The following ADARB2 variants were observed in gnomAD, a reference collection of about 807,000 sequenced individuals.
The protein encoded by ADARB2 is adenosine deaminase RNA specific B2 (inactive), also known as inactive double-stranded RNA-specific editase B2.
Under a neutral mutation model 62.2 loss-of-function variants are expected in ADARB2, and 25 were observed. The ratio of observed to expected loss-of-function variants is 0.40; its 90% CI spans 0.29 to 0.56. The LOEUF (loss-of-function observed/expected upper bound fraction) is 0.56. Among genes scored for constraint, ADARB2 ranks in the 20% least tolerant of loss-of-function variants. The pLI is 0.43. For missense variants in ADARB2, 1,071 were observed against 1,077.4 expected, an observed-to-expected ratio of 0.99 and a Z score of 0.08; for synonymous variants, 572 against 500.8, an observed-to-expected ratio of 1.14 and a Z score of -1.90.
intron 1 of ADARB2, among the ~76,000 whole-genome samples, chr10:1,587,887 T>C (rs569463274): frequency 6.6e-6 from 1 of 152,280 alleles, no homozygotes; most frequent in Admixed American, 6.5e-5. Flanking sequence ...GCTCTCATTC[T>C]CTCTTGACTG....
chr10:1,492,950 G>A (rs569514050), intron 1 of ADARB2, among the ~76,000 whole-genome samples: 3 of 152,276 alleles, frequency 2.0e-5, no homozygotes, highest in Admixed American at 1.3e-4. Context: ...TAATCCCCAC[G>A]CACTTGCCGA....
intron 1 of ADARB2, among the ~76,000 whole-genome samples, chr10:1,517,906 C>T (rs1832025866): frequency 6.6e-6 from 1 of 152,190 alleles, no homozygotes; most frequent in African/African-American, 2.4e-5. Context: ...CCCCGCAGCT[C>T]AGCCCCAAAG....
rs559252474 is a variant in ADARB2, at chr10:1,222,744, C to T, written c.1514-5625G>A. Among the ~76,000 whole-genome samples the T allele has an allele frequency of 1.0e-3, 149 of 149,442 alleles. 2 individuals are homozygous for T. The East Asian group carries it at 0.026, about 26-fold the overall frequency. On this transcript the variant is annotated intron_variant, in intron 6 of 9. Transcript: ENST00000381312. The stretch of plus-strand genomic sequence containing the variant: ...TGGTTGTAGATATGCGGCATTATTT[C>T]TGAGGGCTCTGTTCTGTTCCATTGG...
At chr10:1,495,318 G>T (rs1052561088) in intron 1 of ADARB2, among the ~76,000 whole-genome samples, 1 of 152,196 alleles carries the variant, frequency 6.6e-6, no homozygotes, top group African/African-American at 2.4e-5. Flanking sequence ...TACATGCAAG[G>T]TATATCAAGT....
At chr10:1,720,728 T>C (rs1017751386) in intron 1 of ADARB2, among the ~76,000 whole-genome samples, 1 of 152,184 alleles carries the variant, frequency 6.6e-6, no homozygotes, top group African/African-American at 2.4e-5. Flanking sequence ...TCTGGGCCCC[T>C]GGACACGTGG....
At chr10:1,595,646 T>G (rs1035796394) in intron 1 of ADARB2, among the ~76,000 whole-genome samples, 2 of 152,228 alleles carry the variant, frequency 1.3e-5, no homozygotes, top group African/African-American at 4.8e-5. Flanking sequence ...ATGCAGGCAC[T>G]GCTTGTTCTG....
At chr10:1,725,688 C>T (rs570069996) in intron 1 of ADARB2, among the ~76,000 whole-genome samples, 1 of 152,334 alleles carries the variant, frequency 6.6e-6, no homozygotes, top group South Asian at 2.1e-4. Context: ...GCCACGCTGC[C>T]GCACTCGTAT....
chr10:1,451,030 AAC>A (rs1831029470), intron 1 of ADARB2, among the ~76,000 whole-genome samples: 1 of 152,218 alleles, frequency 6.6e-6, no homozygotes, highest in Non-Finnish European at 1.5e-5. Context: ...GCAAGCCAGA[AAC>A]ACAGAGAGAT....
intron 1 of ADARB2, among the ~76,000 whole-genome samples, chr10:1,470,585 T>C (rs535347611): frequency 1.3e-5 from 2 of 152,378 alleles, no homozygotes; most frequent in South Asian, 4.1e-4. Context: ...CAGAACTTAC[T>C]GTAAATGCAT....
At chr10:1,230,072 G>T (rs1830789627) in intron 6 of ADARB2, among the ~76,000 whole-genome samples, 1 of 152,024 alleles carries the variant, frequency 6.6e-6, no homozygotes, top group African/African-American at 2.4e-5. Context: ...GAGAGCACTC[G>T]AGAAGACTGA....
At chr10:1,271,578 T>TGCAACAC (rs1317145577) in intron 3 of ADARB2, among the ~76,000 whole-genome samples, 3 of 152,158 alleles carry the variant, frequency 2.0e-5, no homozygotes, top group Non-Finnish European at 2.9e-5. Context: ...CACATTCACA[T>TGCAACAC]GCAACACACA....
In ADARB2 at chr10:1,263,276, TATA is replaced by T. The variant is rs780158474; in HGVS notation, c.1192+7676_1192+7678del. The stretch of plus-strand genomic sequence containing the variant: ...TGCACATGTACCCTAAAACTTAAAG[TATA>T]ATAATAGTAATAATAAAGAATATTT... On this transcript the variant is annotated intron_variant, in intron 4 of 9. Coordinates refer to ENST00000381312, the MANE Select transcript of ADARB2 (RefSeq NM_018702.4). Among the ~76,000 whole-genome samples, 54 of 152,312 alleles carry T rather than the reference TATA, an allele frequency of 3.5e-4. 1 individual carries two copies. Among genetic ancestry groups the T allele is most frequent in the East Asian group, 3.5e-3 (18 of 5,192 alleles).
intron 1 of ADARB2, among the ~76,000 whole-genome samples, chr10:1,626,759 A>AAAC: frequency 6.6e-6 from 1 of 152,158 alleles, no homozygotes; most frequent in Non-Finnish European, 1.5e-5. Flanking sequence ...GCCACGCACA[A>AAAC]AGCAACCCGC....
At chr10:1,338,348 T>C (rs1413982209) in intron 3 of ADARB2, among the ~76,000 whole-genome samples, 1 of 152,262 alleles carries the variant, frequency 6.6e-6, no homozygotes, top group Non-Finnish European at 1.5e-5. Context: ...TCACTGAGTC[T>C]GGTCCATAAT....
At chr10:1,246,924 A>C (rs1477907847) in intron 4 of ADARB2, among the ~76,000 whole-genome samples, 6 of 152,046 alleles carry the variant, frequency 3.9e-5, no homozygotes, top group Non-Finnish European at 7.4e-5. Context: ...TACCTTGGGC[A>C]GTATGGCCAT....
At chr10:1,431,838 A>G (rs1372143175) in intron 1 of ADARB2, among the ~76,000 whole-genome samples, 1 of 152,232 alleles carries the variant, frequency 6.6e-6, no homozygotes, top group Non-Finnish European at 1.5e-5. Context: ...AAGTTCACAA[A>G]TTCCATACTT....
chr10:1,458,081 T>C (rs917193103), intron 1 of ADARB2, among the ~76,000 whole-genome samples: 1 of 152,168 alleles, frequency 6.6e-6, no homozygotes, highest in Non-Finnish European at 1.5e-5. Flanking sequence ...TGGACACTCA[T>C]GTGACTTTTG....
At chr10:1,717,992 C>T (rs34605373) in intron 1 of ADARB2, among the ~76,000 whole-genome samples, 14,182 of 151,922 alleles carry the variant, frequency 0.093, 1,060 homozygotes, top group African/African-American at 0.2. Context: ...GGAATTAGAA[C>T]ACTATAATGC....
chr10:1,258,624 A>G (rs1422043390), intron 4 of ADARB2, among the ~76,000 whole-genome samples: 3 of 152,246 alleles, frequency 2.0e-5, no homozygotes, highest in East Asian at 1.9e-4. Context: ...TATGCATCCA[A>G]TACAGGAGCA....
Sources: allele counts gnomAD v4.1 joint callset (sites outside exome capture counted in the v4.1 genomes callset), GRCh38; gene constraint gnomAD v4.1.1; transcripts MANE v1.5; gene names NCBI Gene and HGNC (gene_info 2026-07-23, HGNC 2026-07-21).